BRINP1: variants seen among roughly 807,000 people sequenced by gnomAD.
BRINP1 encodes the protein BMP/retinoic acid-inducible neural-specific protein 1.
A neutral mutation model predicts 72.9 loss-of-function variants in BRINP1; 17 were observed. The observed-to-expected ratio is 0.23, with a 90% confidence interval of 0.16 to 0.35. The LOEUF is 0.35. Ranked by LOEUF, BRINP1 falls within the 10% of genes least tolerant of loss-of-function variation. The pLI, the probability that BRINP1 is intolerant of heterozygous loss-of-function variation, is 1.00. For synonymous variants in BRINP1, 418 were observed against 378.5 expected (o/e 1.10, Z -1.21); for missense variants, 850 against 1,001.6 (o/e 0.85, Z 2.04).
chr9:119,246,852 T>C (rs1393997836), intron 3 of BRINP1, among the ~76,000 whole-genome samples: 4 of 152,208 alleles, frequency 2.6e-5, no homozygotes, highest in African/African-American at 4.8e-5. Flanking sequence ...TTTGCCTTCC[T>C]TCTCTCTACT....
chr9:119,208,628 C>T, intron 7 of BRINP1, 91 bp downstream of exon 7: 2 of 1,326,982 alleles, frequency 1.5e-6, no homozygotes, highest in Non-Finnish European at 2.1e-6. Context: ...CCCACAAATG[C>T]ACCATCTGCA....
intron 5 of BRINP1, among the ~76,000 whole-genome samples, chr9:119,231,386 T>C (rs1454310624): frequency 2.0e-5 from 3 of 152,048 alleles, no homozygotes; most frequent in Non-Finnish European, 4.4e-5. Flanking sequence ...TTCCTCCCAT[T>C]TTTGCAGTAT....
At chr9:119,250,292 AG>A (rs1210246060) in intron 2 of BRINP1, among the ~76,000 whole-genome samples, 1 of 152,194 alleles carries the variant, frequency 6.6e-6, no homozygotes, top group Non-Finnish European at 1.5e-5. Context: ...GTATTCATTG[AG>A]CACCTAGTAT....
At chr9:119,175,280 A>AAAAC (rs1415662957) in intron 7 of BRINP1, among the ~76,000 whole-genome samples, 1 of 151,680 alleles carries the variant, frequency 6.6e-6, no homozygotes, top group African/African-American at 2.4e-5. Flanking sequence ...AACAGAAAAC[A>AAAAC]AAACACTGTA....
intron 2 of BRINP1, among the ~76,000 whole-genome samples, chr9:119,264,255 C>G (rs1300631525): frequency 6.6e-6 from 1 of 152,182 alleles, no homozygotes; most frequent in African/African-American, 2.4e-5. Context: ...GACCAGAGAT[C>G]TGCAGGAAAG....
chr9:119,337,991 C>T lies in BRINP1; in HGVS notation c.-50-24586G>A, dbSNP rs567651239. On this transcript the variant is annotated intron_variant, in intron 1 of 7. Transcript: ENST00000265922. ...CATATCTCCCCCTGAACTTGCTGGGCAGGTAGCCTTGGGCAAGTTACTCTC... is the reference window on the plus strand; with the variant it reads ...CATATCTCCCCCTGAACTTGCTGGGTAGGTAGCCTTGGGCAAGTTACTCTC... Among the ~76,000 whole-genome samples the T allele has an allele frequency of 2.0e-5, 3 of 152,324 alleles. No homozygotes were observed. The South Asian group carries it at 6.2e-4, about 32-fold the overall frequency.
chr9:119,286,293 C>T (rs530684278), intron 2 of BRINP1, among the ~76,000 whole-genome samples: 2 of 151,350 alleles, frequency 1.3e-5, no homozygotes, highest in Admixed American at 1.3e-4. Context: ...AGTGCAGTGG[C>T]GTGATCTCGG....
At chr9:119,199,480 G>A (rs912768174) in intron 7 of BRINP1, among the ~76,000 whole-genome samples, 2 of 152,160 alleles carry the variant, frequency 1.3e-5, no homozygotes, top group Admixed American at 6.5e-5. Context: ...GCCCCCAAGA[G>A]ATTTTCATCT....
chr9:119,367,221 G>GTGTGATATAT (rs1564259756), intron 1 of BRINP1, among the ~76,000 whole-genome samples: 2 of 99,852 alleles, frequency 2.0e-5, no homozygotes, highest in Non-Finnish European at 3.8e-5. Flanking sequence ...GTGTGTGATT[G>GTGTGATATAT]ATATATATAT....
chr9:119,214,725 A>G (rs1829961194), intron 5 of BRINP1, among the ~76,000 whole-genome samples: 1 of 152,210 alleles, frequency 6.6e-6, no homozygotes, highest in Admixed American at 6.5e-5. Context: ...AATGAACAGC[A>G]GAAGACTGCA....
chr9:119,217,435 T>G (rs1401686102), intron 5 of BRINP1, among the ~76,000 whole-genome samples: 1 of 152,116 alleles, frequency 6.6e-6, no homozygotes, highest in Non-Finnish European at 1.5e-5. Context: ...AATTTTGCCT[T>G]AGAAAACCCA....
At chr9:119,200,933 T>G (rs1275811168) in intron 7 of BRINP1, among the ~76,000 whole-genome samples, 2 of 152,070 alleles carry the variant, frequency 1.3e-5, no homozygotes, top group African/African-American at 4.8e-5. Context: ...TGGGTGGAAT[T>G]AGACATTTAG....
At chr9:119,205,917 T>C (rs10818285) in intron 7 of BRINP1, among the ~76,000 whole-genome samples, 85,158 of 151,850 alleles carry the variant, frequency 0.56, 24,301 homozygotes, top group East Asian at 0.67. Flanking sequence ...TGCACAGCTT[T>C]TTCACCTAAA....
At chr9:119,275,491 T>A (rs1284834952) in intron 2 of BRINP1, among the ~76,000 whole-genome samples, 1 of 152,172 alleles carries the variant, frequency 6.6e-6, no homozygotes, top group East Asian at 1.9e-4. Flanking sequence ...AGGTACTCTG[T>A]CCCAACTGAT....
intron 7 of BRINP1, among the ~76,000 whole-genome samples, chr9:119,170,205 C>G (rs1475967907): frequency 6.6e-6 from 1 of 151,748 alleles, no homozygotes; most frequent in Non-Finnish European, 1.5e-5. Flanking sequence ...GACATTCAAA[C>G]CAAAGGCAAA....
intron 1 of BRINP1, among the ~76,000 whole-genome samples, chr9:119,356,804 CAA>C (rs61323149): frequency 8.7e-6 from 1 of 115,210 alleles, no homozygotes; most frequent in Non-Finnish European, 1.8e-5. Context: ...GGCTCCGTCT[CAA>C]AAAAAAAAAA....
chr9:119,197,903 T>C (rs752059998), intron 7 of BRINP1, among the ~76,000 whole-genome samples: 21 of 152,224 alleles, frequency 1.4e-4, no homozygotes, highest in Non-Finnish European at 2.1e-4. Context: ...CTAATTTGAA[T>C]TCAGTGGGAA....
chr9:119,305,441 C>T (rs1830985609), intron 2 of BRINP1, among the ~76,000 whole-genome samples: 1 of 152,154 alleles, frequency 6.6e-6, no homozygotes, highest in African/African-American at 2.4e-5. Context: ...TGGCTTGAAG[C>T]TGCTCTCCAA....
At chr9:119,289,096 G>A (rs537190666) in intron 2 of BRINP1, among the ~76,000 whole-genome samples, 18 of 152,212 alleles carry the variant, frequency 1.2e-4, no homozygotes, top group African/African-American at 4.1e-4. Context: ...CACCACACCC[G>A]GCCCATTTAA....
Sources: gnomAD v4.1 joint callset for allele counts (sites outside exome capture counted in the v4.1 genomes callset) on GRCh38, gnomAD v4.1.1 for gene constraint, MANE v1.5 for transcripts, NCBI Gene and HGNC (gene_info 2026-07-23, HGNC 2026-07-21) for gene names.